The following DLG2 variants were observed in gnomAD, a reference collection of about 807,000 sequenced individuals.
The protein encoded by DLG2 is discs large MAGUK scaffold protein 2.
Under a neutral mutation model 132.5 loss-of-function variants are expected in DLG2, and 45 were observed. That is an observed-to-expected ratio of 0.34 (90% confidence interval 0.27 to 0.44). The LOEUF (loss-of-function observed/expected upper bound fraction) is 0.44. DLG2 is among the 20% of genes least tolerant of loss of function. The pLI, the probability that DLG2 is intolerant of heterozygous loss-of-function variation, is 1.00. For synonymous variants in DLG2, 424 were observed against 419.6 expected, an observed-to-expected ratio of 1.01 and a Z score of -0.13; for missense variants, 1,045 against 1,196.9, an observed-to-expected ratio of 0.87 and a Z score of 1.87.
At chr11:84,149,213 T>C (rs901431015) in intron 9 of DLG2, among the ~76,000 whole-genome samples, 1 of 152,192 alleles carries the variant, frequency 6.6e-6, no homozygotes, top group East Asian at 1.9e-4. Context: ...CAGAAGCTCC[T>C]TACTTTAATT....
chr11:85,507,638 C>A (rs1459761233), intron 3 of DLG2, among the ~76,000 whole-genome samples: 1 of 152,148 alleles, frequency 6.6e-6, no homozygotes. Context: ...CTGCCCTTAA[C>A]ATTTTTTCCT....
chr11:84,698,328 T>G (rs1054700455), intron 6 of DLG2, among the ~76,000 whole-genome samples: 1 of 151,554 alleles, frequency 6.6e-6, no homozygotes, highest in African/African-American at 2.4e-5. Flanking sequence ...TTGAGCTAGG[T>G]ACTTTACAAG....
chr11:84,964,186 A>G (rs944147457), intron 6 of DLG2, among the ~76,000 whole-genome samples: 1 of 151,932 alleles, frequency 6.6e-6, no homozygotes, highest in African/African-American at 2.4e-5. Context: ...TCTGGCATAT[A>G]TCAGAAAAAA....
At chr11:83,655,160 T>C (rs1231807606) in intron 18 of DLG2, among the ~76,000 whole-genome samples, 1 of 152,230 alleles carries the variant, frequency 6.6e-6, no homozygotes, top group East Asian at 1.9e-4. Context: ...GACTCATTAC[T>C]AAAGACTAGG....
At chr11:84,043,277 T>C (rs1276923978) in intron 11 of DLG2, among the ~76,000 whole-genome samples, 1 of 151,786 alleles carries the variant, frequency 6.6e-6, no homozygotes, top group Non-Finnish European at 1.5e-5. Context: ...AAATATATTT[T>C]TTCTTCTTTT....
intron 6 of DLG2, among the ~76,000 whole-genome samples, chr11:84,624,623 T>C (rs17807909): frequency 6.6e-6 from 1 of 151,532 alleles, no homozygotes; most frequent in Non-Finnish European, 1.5e-5. Context: ...TCACTATCAT[T>C]CCCATTTAAT....
chr11:84,406,150 T>G (rs2098848147), intron 7 of DLG2, among the ~76,000 whole-genome samples: 1 of 152,164 alleles, frequency 6.6e-6, no homozygotes, highest in Non-Finnish European at 1.5e-5. Flanking sequence ...CTCCCCCTAC[T>G]GCCCTAGCTG....
intron 16 of DLG2, among the ~76,000 whole-genome samples, chr11:83,849,313 A>C (rs919671877): frequency 6.9e-5 from 10 of 145,160 alleles, no homozygotes; most frequent in African/African-American, 2.6e-4. Context: ...ATAAATAAAT[A>C]ATATATATAA....
chr11:83,813,913 G>A (rs991949189), intron 17 of DLG2, among the ~76,000 whole-genome samples: 1 of 152,066 alleles, frequency 6.6e-6, no homozygotes, highest in Non-Finnish European at 1.5e-5. Context: ...TCATTTTATT[G>A]ATAAGAAAAC....
chr11:85,112,962 C>T (rs375861753), intron 5 of DLG2, among the ~76,000 whole-genome samples: 27 of 152,160 alleles, frequency 1.8e-4, no homozygotes, highest in Middle Eastern at 6.8e-3. Context: ...TCCTATCACA[C>T]TAAAATTTTT....
At chr11:85,547,821 T>C (rs2076426214) in intron 3 of DLG2, among the ~76,000 whole-genome samples, 1 of 152,088 alleles carries the variant, frequency 6.6e-6, no homozygotes, top group Non-Finnish European at 1.5e-5. Flanking sequence ...TCCTGCTGTG[T>C]TTTTCAGCTC....
chr11:84,756,114 A>C (rs924112945), intron 6 of DLG2, among the ~76,000 whole-genome samples: 10 of 152,220 alleles, frequency 6.6e-5, no homozygotes, highest in African/African-American at 2.4e-4. Context: ...TCATAAAAAA[A>C]ATTTAAAACA....
chr11:84,286,930 C>T (rs1047239223), intron 7 of DLG2, among the ~76,000 whole-genome samples: 1 of 152,150 alleles, frequency 6.6e-6, no homozygotes, highest in Non-Finnish European at 1.5e-5. Context: ...GGTCAACTTT[C>T]CAGATTAGAA....
At chr11:83,934,675 A>C (rs2081073135) in intron 14 of DLG2, among the ~76,000 whole-genome samples, 1 of 152,112 alleles carries the variant, frequency 6.6e-6, no homozygotes, top group African/African-American at 2.4e-5. Flanking sequence ...TCCCTACCAA[A>C]GAGCTCTCAA....
intron 7 of DLG2, among the ~76,000 whole-genome samples, chr11:84,328,890 G>T (rs1012505435): frequency 2.0e-5 from 3 of 152,110 alleles, no homozygotes; most frequent in East Asian, 1.9e-4. Flanking sequence ...ATATCATTTT[G>T]CTTTTGTATT....
chr11:84,438,197 C>T (rs1237855542), intron 7 of DLG2, among the ~76,000 whole-genome samples: 1 of 152,220 alleles, frequency 6.6e-6, no homozygotes, highest in Admixed American at 6.5e-5. Flanking sequence ...AGGAATATCA[C>T]TTCTCTGCCC....
intron 4 of DLG2, among the ~76,000 whole-genome samples, chr11:85,233,319 T>C (rs901453487): frequency 6.6e-6 from 1 of 151,920 alleles, no homozygotes; most frequent in South Asian, 2.1e-4. Flanking sequence ...TCACTCTCTC[T>C]TCAGAGTTTG....
At chr11:85,595,555 G>T (rs1255762021) in intron 3 of DLG2, among the ~76,000 whole-genome samples, 1 of 151,784 alleles carries the variant, frequency 6.6e-6, no homozygotes, top group Non-Finnish European at 1.5e-5. Context: ...TTTGCATTTG[G>T]TTTGGGCACA....
chr11:84,945,450 T>C (rs2050075287), intron 6 of DLG2, among the ~76,000 whole-genome samples: 3 of 152,198 alleles, frequency 2.0e-5, no homozygotes, highest in Non-Finnish European at 4.4e-5. Flanking sequence ...CCTGGAGCTA[T>C]GGAGGGATGA....
Sources: gnomAD v4.1 joint callset for allele counts (sites outside exome capture counted in the v4.1 genomes callset) on GRCh38, gnomAD v4.1.1 for gene constraint, MANE v1.5 for transcripts, NCBI Gene and HGNC (gene_info 2026-07-23, HGNC 2026-07-21) for gene names.